Variants in EXT2 observed in about 807,000 individuals in gnomAD.
EXT2 encodes exostosin glycosyltransferase 2, also known as exostosin-2.
In EXT2, 53 loss-of-function variants were observed where a neutral mutation model predicts 81.6. The ratio of observed to expected loss-of-function variants is 0.65; its 90% CI spans 0.52 to 0.82. EXT2 has a LOEUF of 0.82. Among genes scored for constraint, EXT2 ranks in the 40% least tolerant of loss-of-function variants. The pLI is 0.00. For synonymous variants in EXT2, 320 were observed against 340.0 expected, an observed-to-expected ratio of 0.94 and a Z score of 0.65; for missense variants, 774 against 910.2, an observed-to-expected ratio of 0.85 and a Z score of 1.93.
chr11:44,178,515 G>A (rs1056505838), intron 8 of EXT2, among the ~76,000 whole-genome samples: 10 of 152,100 alleles, frequency 6.6e-5, no homozygotes, highest in Non-Finnish European at 1.2e-4. Flanking sequence ...ATGTCCAGAC[G>A]GTGGCCCTCA....
intron 12 of EXT2, among the ~76,000 whole-genome samples, chr11:44,235,250 T>TTTGG (rs869304268): frequency 1.6e-5 from 2 of 121,990 alleles, no homozygotes; most frequent in East Asian, 4.8e-4. Flanking sequence ...TTTTTTTTTT[T>TTTGG]GGTGAGACTG....
intron 7 of EXT2, among the ~76,000 whole-genome samples, chr11:44,159,736 G>A (rs1954904297): frequency 6.6e-6 from 1 of 152,152 alleles, no homozygotes; most frequent in African/African-American, 2.4e-5. Context: ...AGGAACTCTG[G>A]GAAATAGGCC....
chr11:44,208,324 A>T (rs900745967), intron 10 of EXT2, among the ~76,000 whole-genome samples: 1 of 152,180 alleles, frequency 6.6e-6, no homozygotes. Flanking sequence ...CATGACCAAG[A>T]TGGACAGAGG....
At chr11:44,103,824 A>G (rs757986923) in intron 1 of EXT2, 93 of 254,312 alleles carry the variant, frequency 3.7e-4, no homozygotes, top group Non-Finnish European at 6.0e-4. Context: ...ATACCATCTT[A>G]TCTTTTAAAT....
intron 4 of EXT2, among the ~76,000 whole-genome samples, chr11:44,120,722 C>A (rs1432319086): frequency 6.6e-6 from 1 of 152,140 alleles, no homozygotes; most frequent in Non-Finnish European, 1.5e-5. Context: ...AAATCTCTGT[C>A]AGCATTTGTT....
chr11:44,222,684 A>C (rs184784540), intron 10 of EXT2, among the ~76,000 whole-genome samples: 8 of 152,324 alleles, frequency 5.3e-5, no homozygotes, highest in Admixed American at 2.6e-4. Flanking sequence ...TAAAACTTTT[A>C]GGAAAAAAGG....
chr11:44,155,497 T>A (rs1238684219), intron 7 of EXT2, among the ~76,000 whole-genome samples: 1 of 152,110 alleles, frequency 6.6e-6, no homozygotes, highest in African/African-American at 2.4e-5. Context: ...GTTGCAGGAT[T>A]TTTTTTATAG....
At chr11:44,128,981 G>A (rs80043606) in intron 6 of EXT2, among the ~76,000 whole-genome samples, 2,613 of 152,306 alleles carry the variant, frequency 0.017, 77 homozygotes, top group African/African-American at 0.06. Context: ...GAGGTTTAGA[G>A]TTTAATCATT....
intron 7 of EXT2, among the ~76,000 whole-genome samples, chr11:44,132,377 C>T (rs1182734716): frequency 6.6e-6 from 1 of 152,214 alleles, no homozygotes; most frequent in African/African-American, 2.4e-5. Flanking sequence ...GAATGCTGGT[C>T]ATTTAAAACA....
At chr11:44,176,736 A>G (rs1464338192) in intron 8 of EXT2, among the ~76,000 whole-genome samples, 1 of 152,128 alleles carries the variant, frequency 6.6e-6, no homozygotes, top group Non-Finnish European at 1.5e-5. Context: ...CATCAAATTT[A>G]TGATGTCTGA....
intron 10 of EXT2, among the ~76,000 whole-genome samples, chr11:44,214,213 A>C (rs1292581735): frequency 6.6e-6 from 1 of 152,046 alleles, no homozygotes; most frequent in Non-Finnish European, 1.5e-5. Flanking sequence ...TCCCGGGTTC[A>C]CGCCATTCTT....
intron 6 of EXT2, 40 bp from the exon 7 acceptor site, chr11:44,130,005 A>G: frequency 6.8e-7 from 1 of 1,471,316 alleles, no homozygotes; most frequent in Non-Finnish European, 9.5e-7. Flanking sequence ...CTTTCTGTGA[A>G]GGGCTGTGTG....
chr11:44,210,397 A>G (rs2135213066), intron 10 of EXT2, among the ~76,000 whole-genome samples: 1 of 152,326 alleles, frequency 6.6e-6, no homozygotes, highest in Non-Finnish European at 1.5e-5. Flanking sequence ...CAGGATGAAA[A>G]AGAGAACATA....
At chr11:44,098,544 A>T (rs935438120) in intron 1 of EXT2, among the ~76,000 whole-genome samples, 1 of 151,700 alleles carries the variant, frequency 6.6e-6, no homozygotes, top group Non-Finnish European at 1.5e-5. Flanking sequence ...AAATACAAAA[A>T]ATTAGCCGGG....
In EXT2 at chr11:44,101,155, G is replaced by C. The variant is rs539506464; in HGVS notation, c.-31+5303G>C. ...TAAGGGTGTTGGACCAAAGGTGGGG[G>C]TATTGGTGGACTATAAAGCTGGAGA... On this transcript the variant is annotated intron_variant, in intron 1 of 13. Coordinates refer to ENST00000533608, the MANE Select transcript of EXT2 (RefSeq NM_207122.2). Among the ~76,000 whole-genome samples the C allele has an allele frequency of 7.4e-4, 112 of 152,282 alleles. 2 individuals carry two copies. Among genetic ancestry groups the C allele is most frequent in the Non-Finnish European group, 3.4e-4 (23 of 68,022 alleles).
chr11:44,097,793 T>TAAATA (rs1455764226), intron 1 of EXT2, among the ~76,000 whole-genome samples: 2 of 113,912 alleles, frequency 1.8e-5, no homozygotes, highest in South Asian at 2.8e-4. Flanking sequence ...AATAAATAAA[T>TAAATA]AAATAAAATA....
chr11:44,105,322 G>T (rs1468584297), intron 1 of EXT2, among the ~76,000 whole-genome samples: 1 of 152,010 alleles, frequency 6.6e-6, no homozygotes, highest in Non-Finnish European at 1.5e-5. Context: ...AGAAAGAGTC[G>T]TGCTCTATTG....
chr11:44,141,245 T>A (rs1273960560), intron 7 of EXT2, among the ~76,000 whole-genome samples: 1 of 152,232 alleles, frequency 6.6e-6, no homozygotes, highest in African/African-American at 2.4e-5. Flanking sequence ...ATAGTTATTA[T>A]ACTGTATTGT....
At chr11:44,185,224 C>A (rs1018717082) in intron 8 of EXT2, among the ~76,000 whole-genome samples, 13 of 152,226 alleles carry the variant, frequency 8.5e-5, no homozygotes, top group Non-Finnish European at 1.3e-4. Context: ...AACTACATTG[C>A]CAACCCCTGC....
Sources: allele counts gnomAD v4.1 joint callset (sites outside exome capture counted in the v4.1 genomes callset), GRCh38; gene constraint gnomAD v4.1.1; transcripts MANE v1.5; gene names NCBI Gene and HGNC (gene_info 2026-07-23, HGNC 2026-07-21).